Variants in NAV1 observed in about 807,000 individuals in gnomAD.
NAV1 encodes neuron navigator 1.
Under a neutral mutation model 175.2 loss-of-function variants are expected in NAV1, and 18 were observed. The ratio of observed to expected loss-of-function variants is 0.10; its 90% CI spans 0.07 to 0.15. NAV1 has a LOEUF of 0.15. Among genes scored for constraint, NAV1 ranks in the 10% least tolerant of loss-of-function variants. NAV1 has a pLI of 1.00. For synonymous variants in NAV1, 897 were observed against 978.7 expected, an observed-to-expected ratio of 0.92 and a Z score of 1.56; for missense variants, 1,731 against 2,436.6, an observed-to-expected ratio of 0.71 and a Z score of 6.10.
intron 1 of NAV1, among the ~76,000 whole-genome samples, chr1:201,705,469 G>T (rs1170701467): frequency 1.3e-5 from 2 of 152,190 alleles, no homozygotes; most frequent in African/African-American, 2.4e-5. Context: ...CTCCAGTTCA[G>T]CCCACTCGCT....
At chr1:201,711,599 G>A (rs1671911140) in intron 1 of NAV1, among the ~76,000 whole-genome samples, 1 of 152,250 alleles carries the variant, frequency 6.6e-6, no homozygotes, top group African/African-American at 2.4e-5. Context: ...CGGATGGAGG[G>A]GAAAAGGGAG....
chr1:201,743,385 T>C (rs926206032), intron 3 of NAV1, among the ~76,000 whole-genome samples: 34 of 152,226 alleles, frequency 2.2e-4, no homozygotes, highest in African/African-American at 5.8e-4. Flanking sequence ...GGAAGATTAC[T>C]AAACTTGGAG....
intron 3 of NAV1, among the ~76,000 whole-genome samples, chr1:201,764,040 T>TC (rs1240226422): frequency 6.6e-6 from 1 of 152,202 alleles, no homozygotes; most frequent in Non-Finnish European, 1.5e-5. Flanking sequence ...ATCCATAGCT[T>TC]CTACTGTGCC....
At chr1:201,596,588 A>C (rs534450375) in intron 2 of NAV1, among the ~76,000 whole-genome samples, 18 of 152,350 alleles carry the variant, frequency 1.2e-4, no homozygotes, top group African/African-American at 4.1e-4. Flanking sequence ...TCTTTGGCCC[A>C]GACTTAGTGC....
chr1:201,677,601 C>A (rs1045810229), intron 1 of NAV1, among the ~76,000 whole-genome samples: 4 of 152,116 alleles, frequency 2.6e-5, no homozygotes, highest in Admixed American at 1.3e-4. Context: ...GTGGTCTCTT[C>A]CCTTCCCCTA....
chr1:201,760,552 C>T (rs2102631403), intron 3 of NAV1, among the ~76,000 whole-genome samples: 1 of 152,102 alleles, frequency 6.6e-6, no homozygotes, highest in East Asian at 1.9e-4. Context: ...CATTCTTCAT[C>T]CAGAGTTGTT....
chr1:201,690,278 CCTGT>C (rs1315718800), intron 1 of NAV1, among the ~76,000 whole-genome samples: 1 of 109,820 alleles, frequency 9.1e-6, no homozygotes, highest in African/African-American at 3.0e-5. Context: ...TCCTCTCTGG[CCTGT>C]CTGTGGCAGA....
chr1:201,759,116 T>C (rs563076786), intron 3 of NAV1, among the ~76,000 whole-genome samples: 28 of 152,344 alleles, frequency 1.8e-4, no homozygotes, highest in African/African-American at 6.7e-4. Context: ...TATCTAGTGA[T>C]GTTCCCCCCT....
At chr1:201,612,506 T>G (rs1285922256) in intron 2 of NAV1, among the ~76,000 whole-genome samples, 1 of 152,196 alleles carries the variant, frequency 6.6e-6, no homozygotes, top group Admixed American at 6.5e-5. Flanking sequence ...CTCACGGTTC[T>G]GGAGGATGGA....
At chr1:201,731,054 A>G (rs1030053606) in intron 3 of NAV1, among the ~76,000 whole-genome samples, 5 of 152,284 alleles carry the variant, frequency 3.3e-5, no homozygotes, top group African/African-American at 1.2e-4. Context: ...AGGCCAGAGG[A>G]AAGAGTCAGG....
At chr1:201,673,839 C>T (rs150873108) in intron 1 of NAV1, 5 of 152,108 alleles carry the variant, frequency 3.3e-5, no homozygotes, top group African/African-American at 1.2e-4. Flanking sequence ...AAGAGAATGT[C>T]GAAGAGAAGC....
At chr1:201,648,829 G>A in exon 1 of NAV1, 2 of 1,596,716 alleles carry the variant, frequency 1.3e-6, no homozygotes, top group Non-Finnish European at 1.7e-6. Flanking sequence ...GGCGGCGGCG[G>A]CGGCATGGCC....
intron 1 of NAV1, among the ~76,000 whole-genome samples, chr1:201,696,109 TG>T (rs1366898257): frequency 6.6e-6 from 1 of 151,590 alleles, no homozygotes. Flanking sequence ...GGCCAGGTAG[TG>T]GGGACAGGGC....
intron 3 of NAV1, among the ~76,000 whole-genome samples, chr1:201,723,097 C>T (rs1315488263): frequency 3.3e-5 from 5 of 152,094 alleles, no homozygotes; most frequent in African/African-American, 9.7e-5. Flanking sequence ...GGCGACAGAG[C>T]GAGACTCCAA....
chr1:201,648,415 C>T (rs1669054226), exon 1 of NAV1: 1 of 1,230,162 alleles, frequency 8.1e-7, no homozygotes, highest in African/African-American at 1.6e-5. Context: ...CGACCCCGCC[C>T]TATCGCTCCC....
chr1:201,712,849 A>G, exon 2 of NAV1: 2 of 1,614,006 alleles, frequency 1.2e-6, no homozygotes, highest in Non-Finnish European at 1.7e-6. Flanking sequence ...GACAGTGCAG[A>G]ATGTCCTGGA....
At chr1:201,796,404 C>A (rs1415443559) in intron 15 of NAV1, 1 of 152,168 alleles carries the variant, frequency 6.6e-6, no homozygotes. Context: ...CTCACTGCAA[C>A]CTCCGCCTCC....
At chr1:201,633,228 G>T (rs536935135) in intron 2 of NAV1, among the ~76,000 whole-genome samples, 1 of 152,304 alleles carries the variant, frequency 6.6e-6, no homozygotes, top group East Asian at 1.9e-4. Flanking sequence ...ACACTAAAAA[G>T]AACTAAATGG....
chr1:201,602,346 G>GTTTTT (rs748407692), intron 2 of NAV1, among the ~76,000 whole-genome samples: 10 of 152,032 alleles, frequency 6.6e-5, no homozygotes, highest in Non-Finnish European at 1.3e-4. Flanking sequence ...TTTTGTTTTT[G>GTTTTT]TTTTTTCTTT....
Sources: allele counts gnomAD v4.1 joint callset (sites outside exome capture counted in the v4.1 genomes callset), GRCh38; gene constraint gnomAD v4.1.1; transcripts MANE v1.5; gene names NCBI Gene and HGNC (gene_info 2026-07-23, HGNC 2026-07-21).